KCNIP4: variants seen among roughly 807,000 people sequenced by gnomAD.
KCNIP4 encodes the protein Kv channel-interacting protein 4.
In KCNIP4, 12 loss-of-function variants were observed where a neutral mutation model predicts 34.0. That is an observed-to-expected ratio of 0.35 (90% CI 0.23 to 0.57). The LOEUF (loss-of-function observed/expected upper bound fraction) is 0.57, where lower values mean the gene tolerates loss of function less well. Among genes scored for constraint, KCNIP4 ranks in the 20% least tolerant of loss-of-function variants. The pLI, the probability that KCNIP4 is intolerant of heterozygous loss-of-function variation, is 0.83. For missense variants in KCNIP4, 238 were observed against 311.7 expected (o/e 0.76, Z 1.78); for synonymous variants, 124 against 102.2 (o/e 1.21, Z -1.29).
intron 1 of KCNIP4, among the ~76,000 whole-genome samples, chr4:21,740,306 C>T (rs1716307702): frequency 6.6e-6 from 1 of 152,002 alleles, no homozygotes; most frequent in Non-Finnish European, 1.5e-5. Flanking sequence ...CACTTGAAGT[C>T]CTGAAACTAA....
rs1577932897 is a variant in KCNIP4, at chr4:21,234,358, C to T, written c.62-351649G>A. 3.1e-4 allele frequency among the ~76,000 whole-genome samples: 29 copies of T among 94,932 alleles called. 3 individuals are homozygous for T. Among genetic ancestry groups the T allele is most frequent in the Non-Finnish European group, 4.4e-4 (22 of 50,518 alleles). The allele number at this position is 94,932 out of a possible 152,430, so 62.3% of individuals were successfully genotyped here. ...TATATATAACATACATTATATATAA[C>T]ATATATAATATATAACATACATCAT... On this transcript the variant is annotated intron_variant, in intron 1 of 8. Transcript: ENST00000382152.
intron 4 of KCNIP4, among the ~76,000 whole-genome samples, chr4:20,757,094 G>A (rs982329134): frequency 2.0e-5 from 3 of 151,908 alleles, no homozygotes; most frequent in Admixed American, 6.6e-5. Context: ...GATCATTATC[G>A]CCCTATTCCT....
At chr4:21,799,226 A>T (rs1472486534) in intron 1 of KCNIP4, among the ~76,000 whole-genome samples, 1 of 152,154 alleles carries the variant, frequency 6.6e-6, no homozygotes, top group African/African-American at 2.4e-5. Flanking sequence ...CTAATGAAGG[A>T]GACACCATTA....
chr4:21,140,272 A>C (rs1195693942), intron 1 of KCNIP4, among the ~76,000 whole-genome samples: 2 of 152,100 alleles, frequency 1.3e-5, no homozygotes, highest in Non-Finnish European at 2.9e-5. Flanking sequence ...CCACCTAAAA[A>C]TCAGGTTATA....
At chr4:21,727,886 A>G (rs531684066) in intron 1 of KCNIP4, among the ~76,000 whole-genome samples, 46 of 152,286 alleles carry the variant, frequency 3.0e-4, no homozygotes, top group Non-Finnish European at 5.9e-4. Flanking sequence ...CTTTGTTCAG[A>G]ATATTTTTCA....
chr4:21,576,234 T>C (rs1560529602), intron 1 of KCNIP4, among the ~76,000 whole-genome samples: 1 of 152,084 alleles, frequency 6.6e-6, no homozygotes, highest in Admixed American at 6.5e-5. Flanking sequence ...ACCCTGACAT[T>C]GGAGATTCTA....
chr4:21,819,982 T>C (rs1722229854), intron 1 of KCNIP4, among the ~76,000 whole-genome samples: 1 of 152,100 alleles, frequency 6.6e-6, no homozygotes, highest in South Asian at 2.1e-4. Flanking sequence ...AGTGGCAAGA[T>C]ATTTAATTTG....
chr4:21,327,700 T>C (rs1241526935), intron 1 of KCNIP4, among the ~76,000 whole-genome samples: 3 of 152,080 alleles, frequency 2.0e-5, no homozygotes, highest in Admixed American at 1.3e-4. Flanking sequence ...TTTGAGGCTA[T>C]TTTCCAGATC....
intron 3 of KCNIP4, among the ~76,000 whole-genome samples, chr4:20,803,703 AAGAGAG>A (rs57764706): frequency 0.034 from 4,279 of 125,540 alleles, 135 homozygotes; most frequent in Non-Finnish European, 0.036. Context: ...GAGAGAGAGA[AAGAGAG>A]AGAGAGAGAG....
At chr4:20,864,307 T>C (rs1215627352) in intron 2 of KCNIP4, among the ~76,000 whole-genome samples, 4 of 151,358 alleles carry the variant, frequency 2.6e-5, no homozygotes, top group South Asian at 2.1e-4. Flanking sequence ...TATGTATGCA[T>C]ATATACATAC....
Position 21,256,935 on chromosome 4 carries a change from G to A in KCNIP4, c.62-374226C>T, listed in dbSNP as rs974548032. The stretch of plus-strand genomic sequence containing the variant: ...TGCTTTCTAAGGTCTCTCTATATGC[G>A]TACTTGTTGTTTTCCATTTTACCTA... On this transcript the variant is annotated intron_variant, in intron 1 of 8. Transcript: ENST00000382152. 2.0e-5 allele frequency among the ~76,000 whole-genome samples: 3 copies of A among 152,218 alleles called. No homozygotes were observed. In the East Asian group the frequency reaches 5.8e-4, roughly 29 times the overall value.
chr4:21,257,574 C>A (rs1761146171), intron 1 of KCNIP4, among the ~76,000 whole-genome samples: 1 of 151,796 alleles, frequency 6.6e-6, no homozygotes, highest in Non-Finnish European at 1.5e-5. Flanking sequence ...ATGGTGAAAC[C>A]CTGTCCTCTA....
rs545247771 is a variant in KCNIP4 at position 21,512,058 on chromosome 4, A to G, written c.61+436513T>C. ...AGGAAGGAGGGAAGGAAAAAGAATG[A>G]AGGAAGGAAGGAAGGAAAGAAGGAA... On this transcript the variant is annotated intron_variant, in intron 1 of 8. Coordinates refer to ENST00000382152, the MANE Select transcript of KCNIP4 (RefSeq NM_025221.6). 2.0e-3 allele frequency among the ~76,000 whole-genome samples: 281 copies of G among 138,864 alleles called. 1 individual carries two copies. The highest frequency in any genetic ancestry group is 3.6e-3 in the Non-Finnish European group (225 of 63,318). 91.1% of individuals were successfully genotyped at this position (138,864 alleles called of 152,430 possible).
intron 1 of KCNIP4, among the ~76,000 whole-genome samples, chr4:20,979,025 A>G (rs1735764811): frequency 6.6e-6 from 1 of 152,174 alleles, no homozygotes; most frequent in Non-Finnish European, 1.5e-5. Context: ...TTTTATGTGT[A>G]AAATTTTTCA....
At chr4:21,689,095 C>T (rs1456516032) in intron 1 of KCNIP4, among the ~76,000 whole-genome samples, 1 of 152,012 alleles carries the variant, frequency 6.6e-6, no homozygotes, top group African/African-American at 2.4e-5. Context: ...AATAGTTCAG[C>T]AGAACCACGA....
At chr4:21,810,848 C>T (rs1304764699) in intron 1 of KCNIP4, among the ~76,000 whole-genome samples, 4 of 151,998 alleles carry the variant, frequency 2.6e-5, no homozygotes, top group Admixed American at 2.0e-4. Context: ...ACATCAAACA[C>T]CAAAGACAAA....
intron 1 of KCNIP4, among the ~76,000 whole-genome samples, chr4:21,146,259 G>A (rs1044209042): frequency 6.6e-6 from 1 of 152,058 alleles, no homozygotes. Flanking sequence ...TTAGCCAGGC[G>A]TGGTGGCGGG....
intron 1 of KCNIP4, among the ~76,000 whole-genome samples, chr4:21,140,107 A>G (rs751072046): frequency 2.6e-5 from 4 of 152,146 alleles, no homozygotes; most frequent in Non-Finnish European, 5.9e-5. Context: ...AGCTTTTAAG[A>G]AAAAGCATGA....
intron 1 of KCNIP4, among the ~76,000 whole-genome samples, chr4:21,615,547 A>T (rs1744533411): frequency 8.9e-6 from 1 of 112,228 alleles, no homozygotes; most frequent in Non-Finnish European, 1.9e-5. Flanking sequence ...CTCCGCCTCA[A>T]AAAAACAAAA....
Sources: allele counts gnomAD v4.1 joint callset (sites outside exome capture counted in the v4.1 genomes callset), GRCh38; gene constraint gnomAD v4.1.1; transcripts MANE v1.5; gene names NCBI Gene and HGNC (gene_info 2026-07-23, HGNC 2026-07-21).